Variants in CFAP92 observed in about 807,000 individuals in gnomAD.
CFAP92 encodes the protein cilia and flagella associated protein 92 (putative).
A neutral mutation model predicts 106.3 loss-of-function variants in CFAP92; 86 were observed. The ratio of observed to expected loss-of-function variants is 0.81; its 90% CI spans 0.68 to 0.97. The LOEUF is 0.97. CFAP92 is among the 50% of genes least tolerant of loss of function. The pLI is 0.00. For missense variants in CFAP92, 1,204 were observed against 1,283.8 expected, an observed-to-expected ratio of 0.94 and a Z score of 0.95; for synonymous variants, 477 against 506.4, an observed-to-expected ratio of 0.94 and a Z score of 0.78.
upstream of CFAP92, among the ~76,000 whole-genome samples, chr3:128,998,321 T>A (rs75052312): frequency 4.2e-3 from 635 of 152,372 alleles, 2 homozygotes; most frequent in Non-Finnish European, 6.6e-3. Flanking sequence ...TCATCATTTT[T>A]TTCTTTTTTG....
intron 10 of CFAP92, among the ~76,000 whole-genome samples, chr3:128,943,361 C>T (rs1211786537): frequency 1.4e-5 from 2 of 145,098 alleles, no homozygotes; most frequent in East Asian, 3.9e-4. Context: ...CCCCGCTTCT[C>T]TCTTGCCCTC....
chr3:128,994,051 C>T lies in CFAP92; in HGVS notation c.-104G>A, dbSNP rs536935893. 6.9e-4 allele frequency: 680 copies of T among 986,534 alleles called. 1 individual carries two copies. The African/African-American group carries it at 0.011, about 16-fold the overall frequency. The allele number at this position is 986,534 out of a possible 1,614,324, so 61.1% of individuals were successfully genotyped here. A position where few individuals can be genotyped will look rare whatever the true frequency, so the allele number is the denominator to read the frequency against. On this transcript the variant is annotated 5_prime_UTR_variant, in exon 1 of 16. Transcript: ENST00000645291. ...GCAACTCCCGTACCGGATCCACAGC[C>T]ACCTGGGCGAAGAGACTCCAAGACT...
chr3:129,022,977 C>T, the CFAP92 span, among the ~76,000 whole-genome samples: 1 of 152,206 alleles, frequency 6.6e-6, no homozygotes, highest in South Asian at 2.1e-4. Context: ...GCTAGCCTCT[C>T]TTGAATGGAC....
rs883602 is a variant in CFAP92, at chr3:128,935,109, A to G, written c.2453+16T>C. 503,124 of 1,500,660 alleles carry G rather than the reference A, an allele frequency of 0.34. 92,615 individuals carry two copies. The highest frequency in any genetic ancestry group is 0.71 in the African/African-American group (51,715 of 72,368). The allele number at this position is 1,500,660 out of a possible 1,614,324, so 93.0% of individuals were successfully genotyped here. A position where few individuals can be genotyped will look rare whatever the true frequency, so the allele number is the denominator to read the frequency against. Reference sequence around the variant, plus strand: ...CCGCCGGGGCGCAGGACCACATGCGAGCTGCCACTGCCCACCTGGCTAGAG... The same window carrying G: ...CCGCCGGGGCGCAGGACCACATGCGGGCTGCCACTGCCCACCTGGCTAGAG... On this transcript the variant is annotated intron_variant, in intron 11 of 15. Transcript: ENST00000645291.
intron 12 of CFAP92, 108 bp from the exon 13 acceptor site, chr3:128,916,379 G>T: frequency 1.3e-6 from 1 of 741,952 alleles, no homozygotes; most frequent in Non-Finnish European, 1.8e-6. Context: ...TGCAGGTATT[G>T]ATTGATTCTT....
chr3:128,940,538 C>T (rs1003857874), intron 10 of CFAP92, among the ~76,000 whole-genome samples: 9 of 152,140 alleles, frequency 5.9e-5, no homozygotes, highest in African/African-American at 2.2e-4. Flanking sequence ...GAAATAGCAT[C>T]CCATTGTGTA....
the CFAP92 span, among the ~76,000 whole-genome samples, chr3:129,009,048 C>T: frequency 6.6e-6 from 1 of 152,076 alleles, no homozygotes; most frequent in Admixed American, 6.5e-5. Flanking sequence ...GTAATGCAAA[C>T]AGCTTCATGT....
intron 9 of CFAP92, among the ~76,000 whole-genome samples, chr3:128,947,835 CAAAAA>C (rs1267194911): frequency 6.7e-6 from 1 of 148,514 alleles, no homozygotes; most frequent in African/African-American, 2.5e-5. Context: ...GATTCTGTCT[CAAAAA>C]AGAAAAAAAT....
rs752422321 is a variant in CFAP92 at position 128,910,188 on chromosome 3, C to CCAT, written c.*108_*110dup. The stretch of plus-strand genomic sequence containing the variant: ...AGCCTCACACAGGGCCTGGCTGCTG[C>CCAT]CATCTGTCCTGCTGCACTTTAATGA... On this transcript the variant is annotated 3_prime_UTR_variant, in exon 16 of 16. Coordinates refer to ENST00000645291, the MANE Select transcript of CFAP92 (RefSeq NM_001394090.1). The CCAT allele has an allele frequency of 6.2e-6, 10 of 1,613,162 alleles. No individual in the cohort carries two copies. The highest frequency in any genetic ancestry group is 8.5e-6 in the Non-Finnish European group (10 of 1,179,886).
At chr3:129,007,581 C>T (rs754448496), upstream of CFAP92, among the ~76,000 whole-genome samples, 2 of 152,242 alleles carry the variant, frequency 1.3e-5, no homozygotes, top group Non-Finnish European at 2.9e-5. Flanking sequence ...TACTGACTCA[C>T]GCTGATCTTC....
At chr3:129,003,397 G>A (rs2107851121), upstream of CFAP92, 1 of 622,794 alleles carries the variant, frequency 1.6e-6, no homozygotes, top group Non-Finnish European at 2.0e-6. Context: ...CAGGCACGGG[G>A]AGGGCTGGAA....
rs549837908 is a variant in CFAP92 at position 128,987,667 on chromosome 3, G to C, written c.616C>G (p.Arg206Gly). Reference sequence around the variant, plus strand: ...TCTGTGAAGCCGGCAGTCTTTAATCGGTAATATCTGACTTTTCTTGACATC... The same window carrying C: ...TCTGTGAAGCCGGCAGTCTTTAATCCGTAATATCTGACTTTTCTTGACATC... ...DKMSRKVRYY[R>G]LKTAGFTDDV... is the part of the protein sequence containing the mutation. Residue 206 changes from arginine to glycine, a missense_variant, in exon 4 of 16, where the codon CGA becomes GGA. Transcript: ENST00000645291. 6.2e-7 allele frequency: 1 copy of C among 1,613,990 alleles called. No homozygotes were observed. The highest frequency in any genetic ancestry group is 1.7e-5 in the Admixed American group (1 of 60,016).
At chr3:128,963,576 C>T (rs1208662609) in intron 9 of CFAP92, among the ~76,000 whole-genome samples, 1 of 151,818 alleles carries the variant, frequency 6.6e-6, no homozygotes, top group African/African-American at 2.4e-5. Flanking sequence ...ACACCTGACC[C>T]CCATGACTGT....
chr3:128,982,780 A>C (rs1943611061), intron 4 of CFAP92, among the ~76,000 whole-genome samples: 1 of 152,190 alleles, frequency 6.6e-6, no homozygotes, highest in Non-Finnish European at 1.5e-5. Flanking sequence ...GGGAGGCCTG[A>C]AGAGAGGGAG....
At chr3:128,949,673 T>C (rs1420123222) in intron 9 of CFAP92, among the ~76,000 whole-genome samples, 1 of 152,198 alleles carries the variant, frequency 6.6e-6, no homozygotes. Flanking sequence ...GTGATAATAT[T>C]GATCTATACG....
rs569898445 is a variant in CFAP92, at chr3:128,962,538, T to C, written c.1353+2973A>G. ...AGCTGCATCTCATTGCTGCCCTTCT[T>C]CCCAATCCAAAGCCTCCTTTGCGTC... On this transcript the variant is annotated intron_variant, in intron 9 of 15. Coordinates refer to ENST00000645291, the MANE Select transcript of CFAP92 (RefSeq NM_001394090.1). Among the ~76,000 whole-genome samples, 106 of 152,186 alleles carry C rather than the reference T, an allele frequency of 7.0e-4. 1 individual carries two copies. Among genetic ancestry groups the C allele is most frequent in the African/African-American group, 2.5e-3 (102 of 41,508 alleles).
Position 128,935,176 on chromosome 3 carries a change from A to T in CFAP92, c.2402T>A (p.Val801Glu), listed in dbSNP as rs1353736035. 6.5e-7 allele frequency: 1 copy of T among 1,535,724 alleles called. No homozygotes were observed. Among genetic ancestry groups the T allele is most frequent in the Admixed American group, 2.0e-5 (1 of 50,970 alleles). ...QPTELLLQQA[V>E]FFLRDTERRR... ...CCGCTCAGTGTCTCGCAGGAAGAAC[A>T]CCGCCTGCTGCAGCAGCAGCTCCGT... The change falls in exon 11 of 16, where the codon GTG (valine) becomes GAG (glutamate). Residue 801 changes from valine (V) to glutamate (E), a missense_variant. Physicochemically the swap from Val to Glu is moderately radical, Grantham distance 121. Coordinates refer to ENST00000645291, the MANE Select transcript of CFAP92 (RefSeq NM_001394090.1).
chr3:128,925,583 A>G (rs1042378350), intron 12 of CFAP92, among the ~76,000 whole-genome samples: 1 of 152,214 alleles, frequency 6.6e-6, no homozygotes, highest in East Asian at 1.9e-4. Flanking sequence ...TGGTGAAAAT[A>G]TCTAACATTG....
At chr3:128,949,791 A>C (rs1362293530) in intron 9 of CFAP92, among the ~76,000 whole-genome samples, 1 of 152,162 alleles carries the variant, frequency 6.6e-6, no homozygotes, top group Non-Finnish European at 1.5e-5. Flanking sequence ...GGCTCAAGCA[A>C]TTCTCCTGCT....
Sources: gnomAD v4.1 joint callset for allele counts (sites outside exome capture counted in the v4.1 genomes callset) on GRCh38, gnomAD v4.1.1 for gene constraint, MANE v1.5 for transcripts, NCBI Gene and HGNC (gene_info 2026-07-23, HGNC 2026-07-21) for gene names.